MSH3: variants seen among roughly 807,000 people sequenced by gnomAD.
The protein encoded by MSH3 is mutS homolog 3, also known as DNA mismatch repair protein Msh3.
Under a neutral mutation model 123.3 loss-of-function variants are expected in MSH3, and 106 were observed. That is an observed-to-expected ratio of 0.86 (90% CI 0.73 to 1.01). MSH3 has a LOEUF of 1.01. Among genes scored for constraint, MSH3 ranks in the 50% least tolerant of loss-of-function variants. The probability of loss-of-function intolerance (pLI) is 0.00; values close to 1 mark genes in which losing one functional copy is unlikely to be tolerated. For synonymous variants in MSH3, 515 were observed against 481.4 expected (o/e 1.07, Z -0.91); for missense variants, 1,459 against 1,347.6 (o/e 1.08, Z -1.29).
intron 19 of MSH3, among the ~76,000 whole-genome samples, chr5:80,793,527 C>T (rs1481958510): frequency 6.6e-6 from 1 of 152,120 alleles, no homozygotes; most frequent in Non-Finnish European, 1.5e-5. Flanking sequence ...GGCAGGGAAG[C>T]ATTGAGGAAT....
chr5:80,787,160 A>T (rs1340271084), intron 17 of MSH3, among the ~76,000 whole-genome samples: 1 of 152,218 alleles, frequency 6.6e-6, no homozygotes, highest in Non-Finnish European at 1.5e-5. Context: ...TGAAACTGTT[A>T]TTCCGGATTT....
chr5:80,753,783 C>A (rs1175178385), intron 12 of MSH3, among the ~76,000 whole-genome samples: 1 of 152,078 alleles, frequency 6.6e-6, no homozygotes, highest in African/African-American at 2.4e-5. Flanking sequence ...AGAGGCTCTT[C>A]AGTTTTAAAC....
At chr5:80,875,675 T>C in intron 23 of MSH3, 76 bp from the exon 24 acceptor site, 1 of 863,274 alleles carries the variant, frequency 1.2e-6, no homozygotes, top group Non-Finnish European at 1.9e-6. Flanking sequence ...TTATAGACTT[T>C]TCATAGCTTC....
chr5:80,655,156 C>A, intron 1 of MSH3, 192 bp downstream of exon 1: 1 of 475,092 alleles, frequency 2.1e-6, no homozygotes, highest in East Asian at 3.5e-5. Context: ...TTTAGTACTT[C>A]CGTTTGAGGA....
chr5:80,778,798 A>G lies in MSH3; in HGVS notation c.2397A>G (p.Leu799=), dbSNP rs2112007904. The G allele has an allele frequency of 6.2e-7, 1 of 1,608,998 alleles. No individual in the cohort carries two copies. The highest frequency in any genetic ancestry group is 8.5e-7 in the Non-Finnish European group (1 of 1,175,346). ...YRHLNQLREQ[L]VLDCSAEWLD... Reference sequence around the variant, plus strand: ...ATCTGAATCAGCTCCGGGAGCAGCTAGTCCTTGACTGCAGTGCTGAATGGC... The same window carrying G: ...ATCTGAATCAGCTCCGGGAGCAGCTGGTCCTTGACTGCAGTGCTGAATGGC... Residue 799 remains leucine, a synonymous_variant, in exon 17 of 24, where the codon CTA becomes CTG. Transcript: ENST00000265081.
chr5:80,829,490 T>A (rs1745381974), intron 20 of MSH3, among the ~76,000 whole-genome samples: 1 of 152,226 alleles, frequency 6.6e-6, no homozygotes, highest in Non-Finnish European at 1.5e-5. Context: ...TCTGTTGATA[T>A]GATCATGTGA....
intron 20 of MSH3, among the ~76,000 whole-genome samples, chr5:80,851,652 A>T (rs966881761): frequency 1.3e-5 from 2 of 152,182 alleles, no homozygotes; most frequent in African/African-American, 4.8e-5. Context: ...ATATATGTAA[A>T]GCCACCCACT....
At chr5:80,826,683 G>A in intron 20 of MSH3, among the ~76,000 whole-genome samples, 1 of 151,706 alleles carries the variant, frequency 6.6e-6, no homozygotes, top group Middle Eastern at 3.2e-3. Flanking sequence ...CAAGTAGTTG[G>A]GATTACAGGC....
rs538878161 is a variant in MSH3, at chr5:80,850,701, C to T, written c.2814-3429C>T. 5.3e-5 allele frequency among the ~76,000 whole-genome samples: 8 copies of T among 152,308 alleles called. No homozygotes were observed. The South Asian group carries it at 6.2e-4, about 12-fold the overall frequency. ...TCCCTCCCACAACATGTGGGAATTA[C>T]GGGAGCTACAAGAAAAGATGTGGCT... On this transcript the variant is annotated intron_variant, in intron 20 of 23. Coordinates refer to ENST00000265081, the MANE Select transcript of MSH3 (RefSeq NM_002439.5).
rs545691269 is a variant in MSH3, at chr5:80,667,609, G to A, written c.579+2246G>A. 1.8e-3 allele frequency among the ~76,000 whole-genome samples: 268 copies of A among 152,332 alleles called. 1 individual carries two copies. Among genetic ancestry groups the A allele is most frequent in the African/African-American group, 6.2e-3 (259 of 41,572 alleles). ...GAGGGGTGTGTGAGCAGGTGACCAT[G>A]GGGTCTGGCCCCTGTGCACTGCCAG... On this transcript the variant is annotated intron_variant, in intron 3 of 23. Transcript: ENST00000265081.
intron 17 of MSH3, among the ~76,000 whole-genome samples, chr5:80,784,314 C>T (rs1744466232): frequency 2.6e-5 from 4 of 151,170 alleles, no homozygotes; most frequent in Admixed American, 6.6e-5. Context: ...GGCACCCACT[C>T]GGGTTTAGGG....
At chr5:80,742,777 G>A (rs1214321470) in intron 11 of MSH3, among the ~76,000 whole-genome samples, 1 of 152,184 alleles carries the variant, frequency 6.6e-6, no homozygotes, top group East Asian at 1.9e-4. Context: ...CTCCATGATA[G>A]GAAATAAGTA....
At chr5:80,808,859 A>ATATATATATATATCTATATATATATC (rs1491120634) in intron 19 of MSH3, among the ~76,000 whole-genome samples, 4 of 64,072 alleles carry the variant, frequency 6.2e-5, no homozygotes, top group Non-Finnish European at 1.1e-4. Context: ...TATCTTCTTC[A>ATATATATATATATCTATATATATATC]TATATATATA....
At chr5:80,754,217 A>G (rs554420006) in intron 12 of MSH3, among the ~76,000 whole-genome samples, 1 of 152,248 alleles carries the variant, frequency 6.6e-6, no homozygotes, top group South Asian at 2.1e-4. Context: ...CCCACTAGGT[A>G]ATCATGGTTA....
At chr5:80,856,433 C>A (rs1319430335) in intron 21 of MSH3, among the ~76,000 whole-genome samples, 1 of 151,144 alleles carries the variant, frequency 6.6e-6, no homozygotes, top group Non-Finnish European at 1.5e-5. Context: ...CGATCATTCT[C>A]AGCAAACTAT....
rs146912289 is a variant in MSH3 at position 80,821,887 on chromosome 5, A to G, written c.2813+8146A>G. The stretch of plus-strand genomic sequence containing the variant: ...ATCACCCTCACAGGACTTGGGGGCT[A>G]ATGTAAACCAACATGAGTAATAAAG... On this transcript the variant is annotated intron_variant, in intron 20 of 23. Transcript: ENST00000265081. Among the ~76,000 whole-genome samples, 649 of 152,362 alleles carry G rather than the reference A, an allele frequency of 4.3e-3. 5 individuals carry two copies. The highest frequency in any genetic ancestry group is 0.014 in the African/African-American group (602 of 41,584).
chr5:80,704,162 G>A (rs571159113), intron 8 of MSH3, among the ~76,000 whole-genome samples: 15 of 152,266 alleles, frequency 9.9e-5, no homozygotes, highest in South Asian at 8.3e-4. Flanking sequence ...TACCCACGCC[G>A]CCGTGACTGT....
intron 8 of MSH3, among the ~76,000 whole-genome samples, chr5:80,693,532 T>TATAAATATGCACATGTATGTGTTTAG (rs1750387725): frequency 2.5e-5 from 3 of 117,912 alleles, no homozygotes; most frequent in Non-Finnish European, 3.7e-5. Context: ...TATATGTTTA[T>TATAAATATGCACATGTATGTGTTTAG]ATAAATATAT....
chr5:80,704,868 C>T (rs1189802016), intron 8 of MSH3, among the ~76,000 whole-genome samples: 1 of 152,124 alleles, frequency 6.6e-6, no homozygotes, highest in East Asian at 1.9e-4. Flanking sequence ...CTTTGGGCTC[C>T]AGCTACATCA....
Sources: gnomAD v4.1 joint callset for allele counts (sites outside exome capture counted in the v4.1 genomes callset) on GRCh38, gnomAD v4.1.1 for gene constraint, MANE v1.5 for transcripts, NCBI Gene and HGNC (gene_info 2026-07-23, HGNC 2026-07-21) for gene names.